PRDM5: variants seen among roughly 807,000 people sequenced by gnomAD.
PRDM5 encodes PR/SET domain 5.
In PRDM5, 56 loss-of-function variants were observed where a neutral mutation model predicts 81.2. The ratio of observed to expected loss-of-function variants is 0.69; its 90% confidence interval spans 0.56 to 0.86. The LOEUF (loss-of-function observed/expected upper bound fraction) is 0.86. Ranked by LOEUF, PRDM5 falls within the 40% of genes least tolerant of loss-of-function variation. PRDM5 has a pLI of 0.00. For synonymous variants in PRDM5, 267 were observed against 256.4 expected, an observed-to-expected ratio of 1.04 and a Z score of -0.39; for missense variants, 697 against 770.1, an observed-to-expected ratio of 0.91 and a Z score of 1.12.
chr4:120,771,531 T>C (rs75032055), intron 13 of PRDM5, among the ~76,000 whole-genome samples: 2,731 of 152,232 alleles, frequency 0.018, 41 homozygotes, highest in Non-Finnish European at 0.031. Flanking sequence ...TAAAATGCAT[T>C]TTCCCCAAAT....
At chr4:120,728,811 G>C (rs192043492) in intron 14 of PRDM5, among the ~76,000 whole-genome samples, 26 of 152,262 alleles carry the variant, frequency 1.7e-4, no homozygotes, top group African/African-American at 6.0e-4. Context: ...TTCCATAATG[G>C]AGAGGTACAC....
intron 7 of PRDM5, among the ~76,000 whole-genome samples, chr4:120,811,799 A>T (rs1021161914): frequency 6.6e-6 from 1 of 152,068 alleles, no homozygotes; most frequent in Non-Finnish European, 1.5e-5. Context: ...TGATGTTTCA[A>T]TATAGGCATG....
intron 1 of PRDM5, among the ~76,000 whole-genome samples, chr4:120,919,945 T>A (rs191776943): frequency 1.3e-5 from 2 of 152,268 alleles, no homozygotes; most frequent in East Asian, 3.9e-4. Context: ...CTATACAGAT[T>A]TTTATACTGG....
chr4:120,871,139 A>C (rs558436001), intron 2 of PRDM5, among the ~76,000 whole-genome samples: 1 of 152,278 alleles, frequency 6.6e-6, no homozygotes, highest in Admixed American at 6.5e-5. Flanking sequence ...TGCCTGCCAG[A>C]AAGTTTTTCC....
chr4:120,822,639 G>C (rs1475034192), intron 3 of PRDM5, among the ~76,000 whole-genome samples: 1 of 152,186 alleles, frequency 6.6e-6, no homozygotes, highest in East Asian at 1.9e-4. Context: ...TTGAGGATGG[G>C]AGAGGGGCTA....
chr4:120,843,445 G>A (rs1265207851), intron 3 of PRDM5, among the ~76,000 whole-genome samples: 1 of 151,594 alleles, frequency 6.6e-6, no homozygotes, highest in Non-Finnish European at 1.5e-5. Context: ...GCTAATGCCT[G>A]TAATCCCAGC....
intron 1 of PRDM5, among the ~76,000 whole-genome samples, chr4:120,920,589 G>A (rs182228520): frequency 9.4e-4 from 143 of 152,232 alleles, no homozygotes; most frequent in Non-Finnish European, 1.6e-3. Flanking sequence ...CTTTGTCTTC[G>A]TCCTCAGATT....
chr4:120,708,492 A>G (rs1385307274), intron 15 of PRDM5, among the ~76,000 whole-genome samples: 7 of 152,052 alleles, frequency 4.6e-5, no homozygotes, highest in African/African-American at 1.4e-4. Flanking sequence ...GAGGGGAGTG[A>G]GGTGTAAATG....
intron 13 of PRDM5, among the ~76,000 whole-genome samples, chr4:120,769,414 G>A (rs1480238251): frequency 2.0e-5 from 3 of 152,086 alleles, no homozygotes; most frequent in Non-Finnish European, 4.4e-5. Flanking sequence ...ACACGTCAAG[G>A]AGAAAGTAAC....
rs184048856 is a variant in PRDM5 at position 120,845,699 on chromosome 4, G to A, written c.300+7719C>T. Among the ~76,000 whole-genome samples, 111 of 152,254 alleles carry A rather than the reference G, an allele frequency of 7.3e-4. No homozygotes were observed. The East Asian group carries it at 0.02, about 28-fold the overall frequency. ...TCCATTCTGCAGCCCATGGATCAAG[G>A]ATAAATTTCGACTTTCAAATATTAT... On this transcript the variant is annotated intron_variant, in intron 3 of 15. Transcript: ENST00000264808.
chr4:120,799,756 TTAAA>T lies in PRDM5; in HGVS notation c.946-15_946-12del, dbSNP rs751772229. On this transcript the variant is annotated splice_polypyrimidine_tract_variant and intron_variant, in intron 8 of 15. Transcript: ENST00000264808. The stretch of plus-strand genomic sequence containing the variant: ...AAATATCTCATGAATCTGCAAAAGG[TTAAA>T]TAGACAGTTAAATCAACTGTCAAAG... 1.2e-5 allele frequency: 20 copies of T among 1,610,498 alleles called. No individual in the cohort carries two copies. The highest frequency in any genetic ancestry group is 4.0e-5 in the African/African-American group (3 of 74,810).
intron 9 of PRDM5, among the ~76,000 whole-genome samples, chr4:120,799,132 A>G (rs1368709176): frequency 6.6e-6 from 1 of 152,184 alleles, no homozygotes; most frequent in Non-Finnish European, 1.5e-5. Context: ...CATTAGTAAA[A>G]CAGAGCTATT....
At chr4:120,718,590 G>A (rs929422097) in intron 14 of PRDM5, among the ~76,000 whole-genome samples, 2 of 152,108 alleles carry the variant, frequency 1.3e-5, no homozygotes, top group African/African-American at 4.8e-5. Flanking sequence ...ACATTTTAAT[G>A]CCTTTAATTG....
At chr4:120,729,693 T>C (rs181780826) in intron 14 of PRDM5, among the ~76,000 whole-genome samples, 4 of 152,356 alleles carry the variant, frequency 2.6e-5, no homozygotes, top group Non-Finnish European at 4.4e-5. Flanking sequence ...ACATTGAAAT[T>C]TCCCTTATTA....
chr4:120,852,502 A>C (rs1387819945), intron 3 of PRDM5, among the ~76,000 whole-genome samples: 1 of 152,046 alleles, frequency 6.6e-6, no homozygotes, highest in Admixed American at 6.6e-5. Flanking sequence ...CTGGAACGCT[A>C]GCTCTTCTTG....
intron 3 of PRDM5, among the ~76,000 whole-genome samples, chr4:120,835,956 A>G (rs542448119): frequency 1.1e-4 from 16 of 152,284 alleles, no homozygotes; most frequent in Middle Eastern, 3.4e-3. Flanking sequence ...AAAAGCATCA[A>G]GTGGCTTCAT....
At position 120,828,186 on chromosome 4, in the gene PRDM5, A is replaced by G. The variant is rs1200600985; in HGVS notation, c.301-6841T>C. On this transcript the variant is annotated intron_variant, in intron 3 of 15. Transcript: ENST00000264808. ...ACAGATCTTAAGCAAGGTTATCTTA[A>G]CTTGTCTTAGTCTAGCTTTCCTCAT... 2.0e-5 allele frequency among the ~76,000 whole-genome samples: 3 copies of G among 152,086 alleles called. 1 individual carries two copies. The highest frequency in any genetic ancestry group is 4.1e-4 in the South Asian group (2 of 4,834).
chr4:120,869,069 A>G (rs343210), intron 2 of PRDM5, among the ~76,000 whole-genome samples: 7,267 of 152,260 alleles, frequency 0.048, 572 homozygotes, highest in African/African-American at 0.16. Context: ...ATATGTTTCC[A>G]TCGATCTCTA....
At chr4:120,878,319 G>C (rs1012065190) in intron 2 of PRDM5, among the ~76,000 whole-genome samples, 1 of 152,184 alleles carries the variant, frequency 6.6e-6, no homozygotes, top group Non-Finnish European at 1.5e-5. Flanking sequence ...GAAAAGGATA[G>C]TCTTTTCAAC....
Sources: allele counts gnomAD v4.1 joint callset (sites outside exome capture counted in the v4.1 genomes callset), GRCh38; gene constraint gnomAD v4.1.1; transcripts MANE v1.5; gene names NCBI Gene and HGNC (gene_info 2026-07-23, HGNC 2026-07-21).